PARD3B: variants seen among roughly 807,000 people sequenced by gnomAD.
The protein encoded by PARD3B is partitioning defective 3 homolog B.
A neutral mutation model predicts 130.2 loss-of-function variants in PARD3B; 103 were observed. The observed-to-expected ratio is 0.79, with a 90% CI of 0.67 to 0.93. The LOEUF (loss-of-function observed/expected upper bound fraction) is 0.93. Among genes scored for constraint, PARD3B ranks in the 40% least tolerant of loss-of-function variants. The pLI is 0.00. For synonymous variants in PARD3B, 583 were observed against 553.2 expected (o/e 1.05, Z -0.76); for missense variants, 1,609 against 1,499.2 (o/e 1.07, Z -1.21).
At chr2:205,236,414 T>G (rs544620275) in intron 15 of PARD3B, among the ~76,000 whole-genome samples, 1 of 12,658 alleles carries the variant, frequency 7.9e-5, no homozygotes, top group South Asian at 4.8e-3. Flanking sequence ...ATATCCTTCT[T>G]GAATTGATGT....
chr2:205,290,416 T>C (rs62171475), intron 16 of PARD3B, among the ~76,000 whole-genome samples: 12,055 of 152,226 alleles, frequency 0.079, 784 homozygotes, highest in African/African-American at 0.18. Flanking sequence ...TCATATAGCA[T>C]CTGAGTAGCC....
intron 16 of PARD3B, among the ~76,000 whole-genome samples, chr2:205,251,355 A>G (rs2039841385): frequency 6.6e-6 from 1 of 152,186 alleles, no homozygotes; most frequent in Non-Finnish European, 1.5e-5. Context: ...CCAAAGGCAC[A>G]CGTGCAGGTG....
intron 2 of PARD3B, among the ~76,000 whole-genome samples, chr2:204,928,859 A>G (rs1188166960): frequency 2.6e-5 from 4 of 152,068 alleles, no homozygotes; most frequent in Admixed American, 6.6e-5. Flanking sequence ...TAGCTGACCA[A>G]CTGACAAAAT....
At chr2:204,856,978 TTTTG>T (rs147531867) in intron 2 of PARD3B, among the ~76,000 whole-genome samples, 23 of 152,192 alleles carry the variant, frequency 1.5e-4, no homozygotes, top group African/African-American at 4.3e-4. Flanking sequence ...CCTCCAGGTT[TTTTG>T]TTTGTTTGTT....
intron 3 of PARD3B, among the ~76,000 whole-genome samples, chr2:204,969,142 G>A (rs1029727398): frequency 5.9e-5 from 9 of 152,228 alleles, no homozygotes; most frequent in South Asian, 2.1e-4. Context: ...AATCCCAGGC[G>A]AAATTGGAAA....
chr2:205,219,296 T>C (rs548638214), intron 15 of PARD3B, among the ~76,000 whole-genome samples: 8 of 152,194 alleles, frequency 5.3e-5, no homozygotes, highest in Non-Finnish European at 1.0e-4. Context: ...AATAGATCAG[T>C]ATAAAATACC....
intron 18 of PARD3B, among the ~76,000 whole-genome samples, chr2:205,382,052 G>A (rs1198133028): frequency 6.6e-6 from 1 of 151,942 alleles, no homozygotes; most frequent in Non-Finnish European, 1.5e-5. Context: ...TGGTACAGAG[G>A]ACCAAAACTA....
At chr2:204,812,060 T>C (rs886276345) in intron 2 of PARD3B, among the ~76,000 whole-genome samples, 1 of 152,152 alleles carries the variant, frequency 6.6e-6, no homozygotes, top group African/African-American at 2.4e-5. Context: ...TTCCAATCCA[T>C]TCTAAACTTT....
chr2:205,423,957 G>C (rs902871939), intron 19 of PARD3B, among the ~76,000 whole-genome samples: 1 of 152,004 alleles, frequency 6.6e-6, no homozygotes. Context: ...GGAGGGAGGG[G>C]ATCAGGAAAA....
At chr2:205,145,924 T>C (rs550300373) in intron 10 of PARD3B, among the ~76,000 whole-genome samples, 1 of 152,240 alleles carries the variant, frequency 6.6e-6, no homozygotes, top group East Asian at 1.9e-4. Flanking sequence ...TATTAGACAT[T>C]GGATTGATCC....
chr2:205,238,849 A>AAAAAAAATATATATAT (rs1273582854), intron 15 of PARD3B, among the ~76,000 whole-genome samples: 2 of 76,900 alleles, frequency 2.6e-5, no homozygotes, highest in East Asian at 5.6e-4. Flanking sequence ...AAAAAAAAAA[A>AAAAAAAATATATATAT]ATATATATAT....
intron 2 of PARD3B, among the ~76,000 whole-genome samples, chr2:204,720,496 G>A (rs1229523590): frequency 6.6e-6 from 1 of 152,178 alleles, no homozygotes; most frequent in African/African-American, 2.4e-5. Context: ...ACTGGGAAAA[G>A]TATACCATTA....
chr2:204,880,536 T>C (rs1386236166), intron 2 of PARD3B, among the ~76,000 whole-genome samples: 1 of 151,718 alleles, frequency 6.6e-6, no homozygotes, highest in East Asian at 1.9e-4. Flanking sequence ...GATGTGCACC[T>C]GTAGTCTCAC....
intron 2 of PARD3B, among the ~76,000 whole-genome samples, chr2:204,793,548 C>T (rs1038657599): frequency 1.1e-4 from 16 of 152,074 alleles, no homozygotes; most frequent in African/African-American, 3.4e-4. Context: ...CACACTGTCA[C>T]CCAGGCTGGA....
At chr2:204,826,676 G>A (rs2043590594) in intron 2 of PARD3B, among the ~76,000 whole-genome samples, 1 of 152,020 alleles carries the variant, frequency 6.6e-6, no homozygotes, top group Non-Finnish European at 1.5e-5. Context: ...ATATATATGT[G>A]AAAACAAAAA....
chr2:204,801,599 T>C (rs2042572448), intron 2 of PARD3B, among the ~76,000 whole-genome samples: 1 of 152,174 alleles, frequency 6.6e-6, no homozygotes, highest in African/African-American at 2.4e-5. Context: ...CTTGAGGAGA[T>C]TTGGGGCTGA....
chr2:205,479,548 G>C (rs1293193729), intron 20 of PARD3B, among the ~76,000 whole-genome samples: 1 of 152,156 alleles, frequency 6.6e-6, no homozygotes, highest in African/African-American at 2.4e-5. Flanking sequence ...CTCCAGGAAG[G>C]GTTCATGGAA....
chr2:205,087,904 C>T (rs897498316), intron 4 of PARD3B, among the ~76,000 whole-genome samples: 2 of 152,156 alleles, frequency 1.3e-5, no homozygotes, highest in Admixed American at 6.5e-5. Context: ...GTGTGTTGAT[C>T]GGAAGTCATA....
chr2:204,746,746 T>A (rs1429263327), intron 2 of PARD3B, among the ~76,000 whole-genome samples: 2 of 152,216 alleles, frequency 1.3e-5, no homozygotes, highest in African/African-American at 4.8e-5. Context: ...GACGAGCGTT[T>A]TTTCATGTGT....
Sources: gnomAD v4.1 joint callset for allele counts (sites outside exome capture counted in the v4.1 genomes callset) on GRCh38, gnomAD v4.1.1 for gene constraint, MANE v1.5 for transcripts, NCBI Gene and HGNC (gene_info 2026-07-23, HGNC 2026-07-21) for gene names.